Variants in ZNF41 observed in about 807,000 individuals in gnomAD.
The protein encoded by ZNF41 is zinc finger protein 41.
In ZNF41, 6 loss-of-function variants were observed where a neutral mutation model predicts 9.3. The observed-to-expected ratio is 0.65, with a 90% confidence interval of 0.35 to 1.28. The LOEUF (loss-of-function observed/expected upper bound fraction) is 1.28. Among genes scored for constraint, ZNF41 ranks in the 50% most tolerant of loss-of-function variants. ZNF41 has a pLI of 0.03. For missense variants in ZNF41, 523 were observed against 585.8 expected (o/e 0.89, Z 1.11); for synonymous variants, 192 against 207.1 (o/e 0.93, Z 0.63).
rs2057034485 is a variant in ZNF41, at chrX:47,467,595, C to G, written c.-114G>C. The G allele has an allele frequency of 1.4e-5, 13 of 931,797 alleles. No homozygotes were observed. The South Asian group carries it at 2.6e-4, about 19-fold the overall frequency. The allele number at this position is 931,797 out of a possible 1,213,427, so 76.8% of individuals were successfully genotyped here. A position where few individuals can be genotyped will look rare whatever the true frequency, so the allele number is the denominator to read the frequency against. ...ACCGGAGCTGCTGGGGCGAGGCAAG[C>G]AGGGGTCAGAAGGAAGATCCTGCAG... On this transcript the variant is annotated 5_prime_UTR_variant, in exon 2 of 5. Coordinates refer to ENST00000684689, the MANE Select transcript of ZNF41 (RefSeq NM_001324144.2).
chrX:47,452,357 C>T, intron 4 of ZNF41, among the ~76,000 whole-genome samples: 1 of 109,331 alleles, frequency 9.1e-6, no homozygotes, highest in Non-Finnish European at 1.9e-5. Context: ...AGTTTACTCT[C>T]AGACGATTTG....
intron 4 of ZNF41, among the ~76,000 whole-genome samples, chrX:47,450,275 A>G (rs1287697200): frequency 9.0e-6 from 1 of 110,509 alleles, no homozygotes; most frequent in Non-Finnish European, 1.9e-5. Flanking sequence ...CGGTGGTGCG[A>G]TCTCGGCTCA....
At chrX:47,449,541 T>C (rs1269335018) in intron 4 of ZNF41, 67 bp from the exon 5 acceptor site, 9 of 1,118,817 alleles carry the variant, frequency 8.0e-6, no homozygotes, top group Non-Finnish European at 1.1e-5. Context: ...AGGGGACATG[T>C]AGTTCAGACA....
At chrX:47,466,042 C>A (rs1286733523) in intron 2 of ZNF41, among the ~76,000 whole-genome samples, 1 of 110,805 alleles carries the variant, frequency 9.0e-6, no homozygotes, top group Non-Finnish European at 1.9e-5. Context: ...CACATGCACA[C>A]ATGCACATAC....
intron 4 of ZNF41, among the ~76,000 whole-genome samples, chrX:47,454,268 G>C (rs1345478074): frequency 9.1e-6 from 1 of 110,073 alleles, no homozygotes; most frequent in East Asian, 2.8e-4. Flanking sequence ...TTCATAGGAG[G>C]GAAGCTCAAA....
chrX:47,461,717 T>C (rs1318022953), intron 2 of ZNF41, among the ~76,000 whole-genome samples: 1 of 110,128 alleles, frequency 9.1e-6, no homozygotes, highest in African/African-American at 3.3e-5. Context: ...CCTCTTTTTT[T>C]ACTTTTTTGA....
chrX:47,479,116 T>A (rs948496186), intron 1 of ZNF41, among the ~76,000 whole-genome samples: 1 of 110,871 alleles, frequency 9.0e-6, no homozygotes, highest in Admixed American at 9.7e-5. Flanking sequence ...GATGATAAAA[T>A]ACTCTAAAAT....
intron 2 of ZNF41, among the ~76,000 whole-genome samples, chrX:47,462,449 G>T (rs773333357): frequency 9.1e-6 from 1 of 110,162 alleles, no homozygotes; most frequent in Non-Finnish European, 1.9e-5. Context: ...TTCTTTTATC[G>T]CTTTCTTTGA....
At position 47,467,580 on chromosome X, in the gene ZNF41, C is replaced by A; in HGVS notation, c.-99G>T. 9.5e-7 allele frequency: 1 copy of A among 1,048,264 alleles called. No homozygotes were observed. The highest frequency in any genetic ancestry group is 1.3e-6 in the Non-Finnish European group (1 of 771,444). 86.4% of individuals were successfully genotyped at this position (1,048,264 alleles called of 1,213,427 possible). ...GCATCTGTGGACTCAACCGGAGCTG[C>A]TGGGGCGAGGCAAGCAGGGGTCAGA... On this transcript the variant is annotated 5_prime_UTR_variant, in exon 2 of 5. Coordinates refer to ENST00000684689, the MANE Select transcript of ZNF41 (RefSeq NM_001324144.2).
chrX:47,450,932 G>A (rs1670169741), intron 4 of ZNF41, among the ~76,000 whole-genome samples: 1 of 112,069 alleles, frequency 8.9e-6, no homozygotes, highest in Non-Finnish European at 1.9e-5. Context: ...GAATTATCAT[G>A]TAGGGGAAGA....
chrX:47,453,263 A>G (rs1049155393), intron 4 of ZNF41, among the ~76,000 whole-genome samples: 17 of 111,597 alleles, frequency 1.5e-4, no homozygotes, highest in African/African-American at 5.2e-4. Flanking sequence ...ACTTTCTAAA[A>G]ACATAGAGGT....
chrX:47,467,788 C>T (rs1165480939), intron 1 of ZNF41, 28 bp from the exon 2 acceptor site: 7 of 340,221 alleles, frequency 2.1e-5, no homozygotes, highest in Non-Finnish European at 3.6e-5. Context: ...TCGGTAAAAC[C>T]CACACCAAGT....
At chrX:47,463,943 C>T (rs921338761) in intron 2 of ZNF41, among the ~76,000 whole-genome samples, 1 of 111,568 alleles carries the variant, frequency 9.0e-6, no homozygotes, top group Non-Finnish European at 1.9e-5. Flanking sequence ...TTTGCCTGTG[C>T]CCTCAAGCTC....
chrX:47,470,831 G>A (rs1436578512), intron 1 of ZNF41, among the ~76,000 whole-genome samples: 1 of 111,225 alleles, frequency 9.0e-6, no homozygotes, highest in African/African-American at 3.3e-5. Context: ...AAATTGAAAT[G>A]AGTTGAATTC....
intron 2 of ZNF41, among the ~76,000 whole-genome samples, chrX:47,462,946 TACACAC>T (rs1159661067): frequency 1.5e-5 from 1 of 65,570 alleles, no homozygotes; most frequent in South Asian, 9.2e-4. Context: ...TATATATATA[TACACAC>T]ACACACACAC....
At chrX:47,481,801 G>T (rs2057480275) in intron 1 of ZNF41, among the ~76,000 whole-genome samples, 1 of 112,213 alleles carries the variant, frequency 8.9e-6, no homozygotes, top group African/African-American at 3.2e-5. Flanking sequence ...CTTTAAAAAT[G>T]AGAACAAAAT....
chrX:47,456,825 G>A (rs17147628), intron 2 of ZNF41, among the ~76,000 whole-genome samples: 2,431 of 111,688 alleles, frequency 0.022, 60 homozygotes, highest in African/African-American at 0.074. Flanking sequence ...GAGGTATAAG[G>A]TTAGATTTCA....
chrX:47,455,347 G>A (rs763493190), intron 4 of ZNF41, among the ~76,000 whole-genome samples: 7 of 109,238 alleles, frequency 6.4e-5, no homozygotes, highest in Non-Finnish European at 1.3e-4. Flanking sequence ...CACTCTGGGA[G>A]GCCGAGTCAG....
At chrX:47,469,740 C>T (rs768790863) in intron 1 of ZNF41, among the ~76,000 whole-genome samples, 3 of 110,649 alleles carry the variant, frequency 2.7e-5, no homozygotes, top group Non-Finnish European at 3.8e-5. Flanking sequence ...CGTGGTGGCA[C>T]GCACCTGTAG....
Sources: allele counts gnomAD v4.1 joint callset (sites outside exome capture counted in the v4.1 genomes callset), GRCh38; gene constraint gnomAD v4.1.1; transcripts MANE v1.5; gene names NCBI Gene and HGNC (gene_info 2026-07-23, HGNC 2026-07-21).